MTUS2: variants seen among roughly 807,000 people sequenced by gnomAD.
MTUS2 encodes the protein microtubule associated scaffold protein 2.
Under a neutral mutation model 114.1 loss-of-function variants are expected in MTUS2, and 40 were observed. That is an observed-to-expected ratio of 0.35 (90% CI 0.27 to 0.46). MTUS2 has a LOEUF of 0.46. Among genes scored for constraint, MTUS2 ranks in the 20% least tolerant of loss-of-function variants. The pLI, the probability that MTUS2 is intolerant of heterozygous loss-of-function variation, is 1.00. For missense variants in MTUS2, 1,679 were observed against 1,705.4 expected (o/e 0.98, Z 0.27); for synonymous variants, 688 against 672.0 (o/e 1.02, Z -0.37).
At chr13:29,017,659 C>T (rs1473797376) in intron 2 of MTUS2, among the ~76,000 whole-genome samples, 1 of 151,526 alleles carries the variant, frequency 6.6e-6, no homozygotes, top group African/African-American at 2.4e-5. Context: ...TAACCAGTTG[C>T]TCAGTTGGGA....
chr13:29,210,104 A>C (rs1440803911), intron 5 of MTUS2, among the ~76,000 whole-genome samples: 1 of 152,068 alleles, frequency 6.6e-6, no homozygotes, highest in East Asian at 1.9e-4. Flanking sequence ...AACTTCCTGG[A>C]GGCTTTGTTC....
At chr13:29,185,740 T>C (rs1894196617) in intron 5 of MTUS2, among the ~76,000 whole-genome samples, 1 of 152,222 alleles carries the variant, frequency 6.6e-6, no homozygotes, top group African/African-American at 2.4e-5. Flanking sequence ...TTAAAGGAAA[T>C]CTGTCACTAT....
At chr13:28,993,535 T>C (rs1012905353) in intron 2 of MTUS2, among the ~76,000 whole-genome samples, 1 of 152,170 alleles carries the variant, frequency 6.6e-6, no homozygotes, top group Non-Finnish European at 1.5e-5. Context: ...AGGATTCTTA[T>C]ATTTGAGGTC....
chr13:29,193,091 T>A (rs1488460164), intron 5 of MTUS2, among the ~76,000 whole-genome samples: 1 of 152,112 alleles, frequency 6.6e-6, no homozygotes, highest in Non-Finnish European at 1.5e-5. Context: ...TTGAAAGAGG[T>A]TCATTTCCAG....
intron 4 of MTUS2, among the ~76,000 whole-genome samples, chr13:29,037,203 C>CTGG (rs1887120955): frequency 6.6e-6 from 1 of 152,140 alleles, no homozygotes; most frequent in Admixed American, 6.6e-5. Flanking sequence ...TAAGGCAGGC[C>CTGG]TGGTGGTGAC....
At chr13:29,469,237 T>G (rs1373884207) in intron 9 of MTUS2, among the ~76,000 whole-genome samples, 2 of 152,132 alleles carry the variant, frequency 1.3e-5, no homozygotes, top group African/African-American at 2.4e-5. Context: ...CTGTGACCAC[T>G]CCCCTTCCTG....
At chr13:29,431,465 G>T (rs1298290233) in intron 8 of MTUS2, among the ~76,000 whole-genome samples, 1 of 152,092 alleles carries the variant, frequency 6.6e-6, no homozygotes, top group Non-Finnish European at 1.5e-5. Flanking sequence ...CTTATAAGTG[G>T]GTAGGCAACA....
chr13:29,078,943 G>A (rs1197076742), intron 4 of MTUS2, among the ~76,000 whole-genome samples: 1 of 152,196 alleles, frequency 6.6e-6, no homozygotes, highest in Admixed American at 6.5e-5. Flanking sequence ...CCTAGAAGGA[G>A]GATTGCTTGG....
intron 5 of MTUS2, among the ~76,000 whole-genome samples, chr13:29,168,024 A>C (rs1419893311): frequency 6.6e-6 from 1 of 152,222 alleles, no homozygotes; most frequent in Non-Finnish European, 1.5e-5. Context: ...ACATCATTTT[A>C]AATTATATCA....
chr13:29,484,492 G>A (rs1881446299), intron 10 of MTUS2, among the ~76,000 whole-genome samples: 1 of 152,242 alleles, frequency 6.6e-6, no homozygotes. Context: ...TGCCTGTGTG[G>A]AGGGCTGCAG....
Position 29,503,369 on chromosome 13 carries a change from G to C in MTUS2, c.*163G>C, listed in dbSNP as rs1352350148. On this transcript the variant is annotated 3_prime_UTR_variant, in exon 16 of 16. Transcript: ENST00000612955. ...CTGATCCCCGTGTAAGACTGCCCTG[G>C]TGTCGGCACTTAGGAATGTGTAAAT... 3 of 706,140 alleles carry C rather than the reference G, an allele frequency of 4.2e-6. No homozygotes were observed. In the Admixed American group the frequency reaches 8.1e-5, roughly 19 times the overall value. 43.7% of individuals were successfully genotyped at this position (706,140 alleles called of 1,614,324 possible).
chr13:28,833,441 G>T (rs1874845017), intron 1 of MTUS2, among the ~76,000 whole-genome samples: 2 of 151,894 alleles, frequency 1.3e-5, no homozygotes, highest in Non-Finnish European at 2.9e-5. Flanking sequence ...CATATTAATA[G>T]AATAAAATAC....
At chr13:28,862,977 T>C (rs922891477) in intron 2 of MTUS2, among the ~76,000 whole-genome samples, 1 of 152,216 alleles carries the variant, frequency 6.6e-6, no homozygotes, top group African/African-American at 2.4e-5. Flanking sequence ...TTTCAGACAT[T>C]ATATACTTAA....
intron 2 of MTUS2, among the ~76,000 whole-genome samples, chr13:28,973,052 ACT>A (rs1883929243): frequency 6.6e-6 from 1 of 151,992 alleles, no homozygotes; most frequent in East Asian, 1.9e-4. Context: ...GTGGACATAC[ACT>A]CTGTATGTAG....
intron 8 of MTUS2, among the ~76,000 whole-genome samples, chr13:29,392,096 C>T (rs1485270411): frequency 7.5e-6 from 1 of 134,122 alleles, no homozygotes; most frequent in Non-Finnish European, 1.5e-5. Context: ...CCACTGCAAT[C>T]CAGCCTGGGC....
At chr13:28,881,935 A>G (rs1313544508) in intron 2 of MTUS2, among the ~76,000 whole-genome samples, 1 of 152,238 alleles carries the variant, frequency 6.6e-6, no homozygotes, top group Non-Finnish European at 1.5e-5. Flanking sequence ...GTTTTTGACA[A>G]AGGTATCAAG....
chr13:29,407,801 C>T (rs753926766), intron 8 of MTUS2, among the ~76,000 whole-genome samples: 8 of 152,064 alleles, frequency 5.3e-5, no homozygotes. Flanking sequence ...ATTTATACTT[C>T]TACCAGCTAT....
At chr13:28,989,557 G>A (rs1158986773) in intron 2 of MTUS2, among the ~76,000 whole-genome samples, 2 of 152,230 alleles carry the variant, frequency 1.3e-5, no homozygotes, top group Non-Finnish European at 2.9e-5. Flanking sequence ...TGGGAATGGA[G>A]GAGTCTATGA....
At chr13:29,105,527 C>G (rs1266397852) in intron 5 of MTUS2, among the ~76,000 whole-genome samples, 2 of 152,100 alleles carry the variant, frequency 1.3e-5, no homozygotes, top group Admixed American at 6.5e-5. Flanking sequence ...TTTCCAGTTT[C>G]TCCTCTTCTT....
Sources: allele counts gnomAD v4.1 joint callset (sites outside exome capture counted in the v4.1 genomes callset), GRCh38; gene constraint gnomAD v4.1.1; transcripts MANE v1.5; gene names NCBI Gene and HGNC (gene_info 2026-07-23, HGNC 2026-07-21).